The following HHIP variants were observed in gnomAD, a reference collection of about 807,000 sequenced individuals.
HHIP encodes hedgehog interacting protein, also known as hedgehog-interacting protein.
A neutral mutation model predicts 74.0 loss-of-function variants in HHIP; 12 were observed. That is an observed-to-expected ratio of 0.16 (90% CI 0.10 to 0.26). The LOEUF is 0.26. Ranked by LOEUF, HHIP falls within the 10% of genes least tolerant of loss-of-function variation. The pLI is 1.00. For synonymous variants in HHIP, 309 were observed against 311.6 expected (o/e 0.99, Z 0.09); for missense variants, 788 against 845.0 (o/e 0.93, Z 0.84).
Position 144,739,077 on chromosome 4 carries a change from A to C in HHIP, c.*1120A>C, listed in dbSNP as rs1731200440. 2 of 152,206 alleles carry C rather than the reference A, an allele frequency of 1.3e-5. No individual in the cohort carries two copies. Among genetic ancestry groups the C allele is most frequent in the Non-Finnish European group, 2.9e-5 (2 of 68,028 alleles). 9.4% of individuals were successfully genotyped at this position (152,206 alleles called of 1,614,324 possible). On this transcript the variant is annotated 3_prime_UTR_variant, in exon 13 of 13. Coordinates refer to ENST00000296575, the MANE Select transcript of HHIP (RefSeq NM_022475.3). ...GGCTATGTAAGCTGTCACCTGTACAAATTTTTAACATAATAATTCTTGCCA... is the reference window on the plus strand; with the variant it reads ...GGCTATGTAAGCTGTCACCTGTACACATTTTTAACATAATAATTCTTGCCA...
At chr4:144,692,398 C>T (rs1210568607) in intron 4 of HHIP, among the ~76,000 whole-genome samples, 1 of 152,122 alleles carries the variant, frequency 6.6e-6, no homozygotes, top group East Asian at 1.9e-4. Context: ...TCTTCTCTTC[C>T]ATTTCTCTTT....
At chr4:144,647,683 TTAA>T (rs1302027317) in intron 1 of HHIP, among the ~76,000 whole-genome samples, 1 of 129,580 alleles carries the variant, frequency 7.7e-6, no homozygotes, top group African/African-American at 2.5e-5. Flanking sequence ...TATCCTTGTG[TTAA>T]TAAGTTTAAA....
chr4:144,726,358 C>G (rs774020386), intron 11 of HHIP, among the ~76,000 whole-genome samples: 1 of 152,026 alleles, frequency 6.6e-6, no homozygotes. Flanking sequence ...ATTATATTTG[C>G]ATTATGTGCT....
At chr4:144,652,111 T>TA (rs933354682) in intron 1 of HHIP, among the ~76,000 whole-genome samples, 1 of 152,062 alleles carries the variant, frequency 6.6e-6, no homozygotes, top group Non-Finnish European at 1.5e-5. Context: ...ATTGAAATTT[T>TA]AAAAAAATGT....
intron 11 of HHIP, among the ~76,000 whole-genome samples, chr4:144,722,864 A>G (rs974369341): frequency 6.6e-6 from 1 of 152,158 alleles, no homozygotes; most frequent in African/African-American, 2.4e-5. Context: ...TCAAAAAAAA[A>G]AAGAACTCTC....
chr4:144,667,997 G>T (rs1728922908), intron 4 of HHIP, among the ~76,000 whole-genome samples: 1 of 151,800 alleles, frequency 6.6e-6, no homozygotes, highest in African/African-American at 2.4e-5. Flanking sequence ...TATTTCTCAA[G>T]AAATTATTAT....
chr4:144,712,083 A>G lies in HHIP; in HGVS notation c.1423+12A>G, dbSNP rs192458600. 1 of 1,606,622 alleles carries G rather than the reference A, an allele frequency of 6.2e-7. No individual in the cohort carries two copies. Among genetic ancestry groups the G allele is most frequent in the Non-Finnish European group, 8.5e-7 (1 of 1,176,432 alleles). On this transcript the variant is annotated intron_variant, in intron 8 of 12. Transcript: ENST00000296575. ...GGGGAAAGATTATGGTATGTAGAGCATAATTTGCTGATTTTGCTTTAGTTC... is the reference window on the plus strand; with the variant it reads ...GGGGAAAGATTATGGTATGTAGAGCGTAATTTGCTGATTTTGCTTTAGTTC...
Position 144,646,639 on chromosome 4 carries a change from T to G in HHIP, c.-37T>G. The G allele has an allele frequency of 6.3e-7, 1 of 1,594,374 alleles. No homozygotes were observed. Among genetic ancestry groups the G allele is most frequent in the Non-Finnish European group, 8.6e-7 (1 of 1,168,676 alleles). The stretch of plus-strand genomic sequence containing the variant: ...TGCTGGGCAGTGGCGTTCCCCCCCA[T>G]CCTCCCGCGCCCAGCCCCTGCTGCT... On this transcript the variant is annotated 5_prime_UTR_variant, in exon 1 of 13. Coordinates refer to ENST00000296575, the MANE Select transcript of HHIP (RefSeq NM_022475.3).
chr4:144,687,751 C>CTTTTT (rs5862719), intron 4 of HHIP, among the ~76,000 whole-genome samples: 7 of 73,470 alleles, frequency 9.5e-5, no homozygotes, highest in African/African-American at 1.6e-4. Context: ...CTTTTGGCAA[C>CTTTTT]TTTTTTTTTT....
chr4:144,658,058 G>A (rs1212317360), intron 2 of HHIP, among the ~76,000 whole-genome samples: 1 of 152,008 alleles, frequency 6.6e-6, no homozygotes, highest in Non-Finnish European at 1.5e-5. Context: ...GCACCTGATG[G>A]CCTGTCTCCT....
intron 4 of HHIP, among the ~76,000 whole-genome samples, chr4:144,691,521 T>C (rs1729667902): frequency 6.6e-6 from 1 of 152,212 alleles, no homozygotes; most frequent in Non-Finnish European, 1.5e-5. Context: ...CATTTGATGA[T>C]TCTTGAAATA....
chr4:144,691,492 G>C (rs1193389500), intron 4 of HHIP, among the ~76,000 whole-genome samples: 2 of 152,226 alleles, frequency 1.3e-5, no homozygotes, highest in South Asian at 4.2e-4. Flanking sequence ...TGCTGCTTCA[G>C]GAGTTTTGCT....
At chr4:144,670,599 C>T (rs2126605600) in intron 4 of HHIP, among the ~76,000 whole-genome samples, 1 of 150,970 alleles carries the variant, frequency 6.6e-6, no homozygotes, top group South Asian at 2.1e-4. Context: ...AGACCACAAA[C>T]TTTCATAAAA....
chr4:144,731,490 G>C lies in HHIP; in HGVS notation c.1761-3251G>C, dbSNP rs182335802. On this transcript the variant is annotated intron_variant, in intron 11 of 12. Transcript: ENST00000296575. ...GCTGGAGTGCAATGGCATGATCTTG[G>C]CTCACTGCAACCTCCGCCTCCTGGG... 2.2e-3 allele frequency among the ~76,000 whole-genome samples: 334 copies of C among 152,208 alleles called. 3 individuals carry two copies. The highest frequency in any genetic ancestry group is 7.7e-3 in the African/African-American group (318 of 41,536).
Position 144,743,000 on chromosome 4 carries a change from T to A in HHIP, c.*5043T>A, listed in dbSNP as rs76899823. The A allele has an allele frequency of 0.013, 55 of 4,326 alleles. 3 individuals carry two copies. The highest frequency in any genetic ancestry group is 0.051 in the African/African-American group (54 of 1,050). 0.3% of individuals were successfully genotyped at this position (4,326 alleles called of 1,614,324 possible). A position where few individuals can be genotyped will look rare whatever the true frequency, so the allele number is the denominator to read the frequency against. On this transcript the variant is annotated 3_prime_UTR_variant, in exon 13 of 13. Transcript: ENST00000296575. ...ATATATATACATTATATATATATAA[T>A]ATATATATATTATATATATATAATA...
chr4:144,661,725 G>A (rs1728719041), intron 4 of HHIP, among the ~76,000 whole-genome samples: 1 of 152,114 alleles, frequency 6.6e-6, no homozygotes, highest in Non-Finnish European at 1.5e-5. Flanking sequence ...GACTTGTAAT[G>A]TAAAAGCATT....
chr4:144,691,170 GA>G (rs971318660), intron 4 of HHIP, among the ~76,000 whole-genome samples: 3 of 151,450 alleles, frequency 2.0e-5, no homozygotes, highest in Admixed American at 6.6e-5. Flanking sequence ...CTTTCCAATA[GA>G]AAAAAAACAA....
At chr4:144,700,399 G>A (rs940185885) in intron 4 of HHIP, among the ~76,000 whole-genome samples, 2 of 152,124 alleles carry the variant, frequency 1.3e-5, no homozygotes, top group African/African-American at 4.8e-5. Context: ...GCAGAATAAT[G>A]CCCCTCCCCA....
chr4:144,720,467 T>C (rs1261988243), intron 11 of HHIP, among the ~76,000 whole-genome samples: 2 of 152,192 alleles, frequency 1.3e-5, no homozygotes, highest in African/African-American at 4.8e-5. Flanking sequence ...AATCTTTCTC[T>C]CTTCATCTGG....
Sources: gnomAD v4.1 joint callset for allele counts (sites outside exome capture counted in the v4.1 genomes callset) on GRCh38, gnomAD v4.1.1 for gene constraint, MANE v1.5 for transcripts, NCBI Gene and HGNC (gene_info 2026-07-23, HGNC 2026-07-21) for gene names.